Variants in HMGCS1 observed in about 807,000 individuals in gnomAD.
HMGCS1 encodes the protein hydroxymethylglutaryl-CoA synthase, cytoplasmic.
A neutral mutation model predicts 52.3 loss-of-function variants in HMGCS1; 9 were observed. That is an observed-to-expected ratio of 0.17 (90% CI 0.10 to 0.30). The LOEUF is 0.30. HMGCS1 is among the 10% of genes least tolerant of loss of function. HMGCS1 has a pLI of 1.00. For synonymous variants in HMGCS1, 176 were observed against 214.4 expected (o/e 0.82, Z 1.57); for missense variants, 320 against 620.9 (o/e 0.52, Z 5.15).
chr5:43,300,018 A>G (rs1421119390), intron 2 of HMGCS1, among the ~76,000 whole-genome samples: 1 of 152,230 alleles, frequency 6.6e-6, no homozygotes, highest in East Asian at 1.9e-4. Context: ...CTGGAGCTAC[A>G]GTACTAGTAC....
rs376267632 is a variant in HMGCS1, at chr5:43,298,263, A to AT, written c.449-130dup. 445 of 882,002 alleles carry AT rather than the reference A, an allele frequency of 5.0e-4. No individual in the cohort carries two copies. Among genetic ancestry groups the AT allele is most frequent in the Middle Eastern group, 8.1e-4 (3 of 3,688 alleles). 54.6% of individuals were successfully genotyped at this position (882,002 alleles called of 1,614,324 possible). On this transcript the variant is annotated intron_variant, in intron 3 of 10. Transcript: ENST00000325110. The surrounding 1 kb of genome is among the most constrained non-coding windows in gnomAD (Gnocchi z 5.6). Reference sequence around the variant, plus strand: ...TTTGATAAAGAAAGAAAATGCTCTAATTTTTTTTTAAAATTCATCTGCCAA... The same window carrying AT: ...TTTGATAAAGAAAGAAAATGCTCTAATTTTTTTTTTAAAATTCATCTGCCAA...
intron 2 of HMGCS1, among the ~76,000 whole-genome samples, chr5:43,302,471 T>C (rs1053029566): frequency 2.0e-5 from 3 of 152,252 alleles, no homozygotes; most frequent in African/African-American, 7.2e-5. Flanking sequence ...TTGCATTTCT[T>C]GCCTATCCTT....
chr5:43,294,659 G>T, intron 7 of HMGCS1, 32 bp downstream of exon 7: 1 of 1,486,850 alleles, frequency 6.7e-7, no homozygotes, highest in Non-Finnish European at 9.1e-7. Context: ...CCAAATAAGG[G>T]GAGTTAAGTA....
At position 43,293,425 on chromosome 5, in the gene HMGCS1, T is replaced by C. The variant is rs187170428; in HGVS notation, c.1184-452A>G. 6.1e-3 allele frequency among the ~76,000 whole-genome samples: 926 copies of C among 152,250 alleles called. 13 individuals are homozygous for C. Among genetic ancestry groups the C allele is most frequent in the African/African-American group, 0.021 (889 of 41,536 alleles). On this transcript the variant is annotated intron_variant, in intron 8 of 10. Transcript: ENST00000325110. The stretch of plus-strand genomic sequence containing the variant: ...TAATTTTAAAAAGTAATGTCAAGTT[T>C]TCATCAGTTTATCTCTACATTTTTG...
chr5:43,293,908 T>A (rs1291992205), intron 8 of HMGCS1, 148 bp downstream of exon 8: 4 of 562,206 alleles, frequency 7.1e-6, no homozygotes, highest in Non-Finnish European at 3.2e-6. Context: ...GAGATGGGGT[T>A]TCAGCCATGT....
chr5:43,289,687 T>A lies in HMGCS1; in HGVS notation c.*1444A>T, dbSNP rs2111607837. The stretch of plus-strand genomic sequence containing the variant: ...TGAAGTCATTTTAACAAATTATGAC[T>A]GTACAAATCAAAATACTACTAGTTA... On this transcript the variant is annotated 3_prime_UTR_variant, in exon 11 of 11. Coordinates refer to ENST00000325110, the MANE Select transcript of HMGCS1 (RefSeq NM_001098272.3). The A allele has an allele frequency of 6.5e-6, 1 of 152,762 alleles. No individual in the cohort carries two copies. Among genetic ancestry groups the A allele is most frequent in the East Asian group, 1.9e-4 (1 of 5,192 alleles). 9.5% of individuals were successfully genotyped at this position (152,762 alleles called of 1,614,324 possible).
chr5:43,294,485 G>A, intron 7 of HMGCS1: 1 of 496,612 alleles, frequency 2.0e-6, no homozygotes, highest in Non-Finnish European at 3.5e-6. Flanking sequence ...AGCCAGGAAA[G>A]CCAGTATGAA....
chr5:43,299,111 C>A, intron 2 of HMGCS1, 136 bp from the exon 3 acceptor site: 2 of 617,900 alleles, frequency 3.2e-6, no homozygotes, highest in Admixed American at 3.0e-5. Flanking sequence ...GTATTTAGGG[C>A]ACTCAATTGT....
intron 2 of HMGCS1, among the ~76,000 whole-genome samples, chr5:43,305,876 A>G (rs879729268): frequency 9.0e-5 from 8 of 89,064 alleles, no homozygotes; most frequent in African/African-American, 5.8e-4. Flanking sequence ...TGATGGTTAA[A>G]AAAATTACGT....
chr5:43,309,023 A>G (rs60469828), intron 1 of HMGCS1, among the ~76,000 whole-genome samples: 1 of 152,188 alleles, frequency 6.6e-6, no homozygotes, highest in East Asian at 1.9e-4. Context: ...GTTCTTTATT[A>G]TCTCAAATTA....
rs546608548 is a variant in HMGCS1 at position 43,297,932 on chromosome 5, G to A, written c.574+77C>T. The A allele has an allele frequency of 6.0e-6, 8 of 1,330,422 alleles. No individual in the cohort carries two copies. The East Asian group carries it at 1.2e-4, about 20-fold the overall frequency. 82.4% of individuals were successfully genotyped at this position (1,330,422 alleles called of 1,614,324 possible). A position where few individuals can be genotyped will look rare whatever the true frequency, so the allele number is the denominator to read the frequency against. ...TGCATTTAATGACCATTAAGTAAGC[G>A]ACAGCTCCTACTTCTATTTTCAAAT... On this transcript the variant is annotated intron_variant, in intron 4 of 10. Transcript: ENST00000325110.
intron 1 of HMGCS1, among the ~76,000 whole-genome samples, chr5:43,310,634 A>T (rs192974937): frequency 0.031 from 4,721 of 150,512 alleles, 126 homozygotes; most frequent in Non-Finnish European, 0.043. Flanking sequence ...TCACTTTTTA[A>T]TTTTTTTTTT....
intron 2 of HMGCS1, among the ~76,000 whole-genome samples, chr5:43,306,030 G>A (rs908988753): frequency 2.0e-5 from 3 of 151,930 alleles, no homozygotes; most frequent in African/African-American, 7.3e-5. Context: ...TAAAAAAGGC[G>A]AGAAAAGGCA....
intron 1 of HMGCS1, 42 bp downstream of exon 1, chr5:43,313,314 A>T (rs1754973667): frequency 6.5e-6 from 1 of 152,810 alleles, no homozygotes; most frequent in Non-Finnish European, 1.5e-5. Context: ...CGCCCGCGGC[A>T]CCTCCGCAGC....
chr5:43,296,412 T>C (rs1353085149), intron 5 of HMGCS1, among the ~76,000 whole-genome samples: 3 of 152,214 alleles, frequency 2.0e-5, no homozygotes, highest in Admixed American at 1.3e-4. Flanking sequence ...CTAAATTCAC[T>C]GATATTTGTC....
chr5:43,308,274 T>C (rs1754677403), intron 1 of HMGCS1, among the ~76,000 whole-genome samples: 1 of 152,228 alleles, frequency 6.6e-6, no homozygotes, highest in Non-Finnish European at 1.5e-5. Context: ...GCAGCAATTC[T>C]GGACCTCAGT....
At chr5:43,296,797 A>G (rs888119801) in intron 5 of HMGCS1, among the ~76,000 whole-genome samples, 2 of 152,218 alleles carry the variant, frequency 1.3e-5, no homozygotes, top group African/African-American at 4.8e-5. Context: ...TTTTGCAGAG[A>G]TACACCTCAG....
chr5:43,296,823 C>G (rs1754052801), intron 5 of HMGCS1, among the ~76,000 whole-genome samples, 179 bp downstream of exon 5: 1 of 152,188 alleles, frequency 6.6e-6, no homozygotes, highest in African/African-American at 2.4e-5. Context: ...AAGTTTACCT[C>G]TTCTAGTAAA....
In HMGCS1 at chr5:43,313,371, G is replaced by C. The variant is rs1232007623; in HGVS notation, c.-85C>G. On this transcript the variant is annotated 5_prime_UTR_variant, in exon 1 of 11. Coordinates refer to ENST00000325110, the MANE Select transcript of HMGCS1 (RefSeq NM_001098272.3). ...GGACACTCACCAAGCGTGACCGAGC[G>C]GCAGCAGAGGAAAGGGAGTGAGCCA... is the stretch of plus-strand genomic sequence containing the variant. 1 of 152,430 alleles carries C rather than the reference G, an allele frequency of 6.6e-6. No homozygotes were observed. The highest frequency in any genetic ancestry group is 1.9e-4 in the East Asian group (1 of 5,200). 9.4% of individuals were successfully genotyped at this position (152,430 alleles called of 1,614,324 possible).
Sources: gnomAD v4.1 joint callset for allele counts (sites outside exome capture counted in the v4.1 genomes callset) on GRCh38, gnomAD v4.1.1 for gene constraint, Gnocchi (gnomAD v3.1) non-coding constraint, MANE v1.5 for transcripts, NCBI Gene and HGNC (gene_info 2026-07-23, HGNC 2026-07-21) for gene names.